STRA8: variants seen among roughly 807,000 people sequenced by gnomAD.
The protein encoded by STRA8 is stimulated by retinoic acid gene 8 protein homolog.
STRA8 carries 18 observed loss-of-function variants against 37.1 expected under a neutral mutation model. The observed-to-expected ratio is 0.48, with a 90% CI of 0.34 to 0.72. STRA8 has a LOEUF of 0.72. Ranked by LOEUF, STRA8 falls within the 30% of genes least tolerant of loss-of-function variation. The pLI, the probability that STRA8 is intolerant of heterozygous loss-of-function variation, is 0.01. For missense variants in STRA8, 357 were observed against 410.4 expected (o/e 0.87, Z 1.13); for synonymous variants, 168 against 162.9 (o/e 1.03, Z -0.24).
Position 135,243,450 on chromosome 7 carries a change from T to C in STRA8, c.353+40T>C, listed in dbSNP as rs1445903049. On this transcript the variant is annotated intron_variant, in intron 4 of 8. Coordinates refer to ENST00000662584, the MANE Select transcript of STRA8 (RefSeq NM_001394401.1). ...ACCCCAGGAAGCTGGGGACCTGCTG[T>C]GTCCTCACAGCCATCAGTACTGTCT... The C allele has an allele frequency of 2.5e-6, 4 of 1,593,474 alleles. No homozygotes were observed. In the African/African-American group the frequency reaches 4.0e-5, roughly 16 times the overall value.
Position 135,245,529 on chromosome 7 carries a change from T to C in STRA8, c.593+2T>C, listed in dbSNP as rs1832538247. The stretch of plus-strand genomic sequence containing the variant: ...GCCTGACCTCATGGAATTTGAACGG[T>C]GTGAACAGTTGGGTGGGGTGGCTCT... On this transcript the variant is annotated splice_donor_variant, in intron 5 of 8. Coordinates refer to ENST00000662584, the MANE Select transcript of STRA8 (RefSeq NM_001394401.1). LOFTEE classifies it high-confidence loss of function. Among the ~76,000 whole-genome samples, 2 of 152,048 alleles carry C rather than the reference T, an allele frequency of 1.3e-5. No individual in the cohort carries two copies. The highest frequency in any genetic ancestry group is 2.9e-5 in the Non-Finnish European group (2 of 68,012).
upstream of STRA8, among the ~76,000 whole-genome samples, chr7:135,232,805 C>T (rs1562966882): frequency 6.6e-6 from 1 of 152,208 alleles, no homozygotes; most frequent in Non-Finnish European, 1.5e-5. Context: ...TGATAGTCCT[C>T]TCAGTCCCTG....
At chr7:135,257,481 A>G (rs1209048297) in intron 8 of STRA8, among the ~76,000 whole-genome samples, 14 of 151,414 alleles carry the variant, frequency 9.2e-5, no homozygotes, top group Admixed American at 9.2e-4. Flanking sequence ...GTGTGTAGTC[A>G]TGGTGTGATC....
At chr7:135,243,223 G>T (rs1562970203) in intron 3 of STRA8, 103 bp from the exon 4 acceptor site, 1 of 1,188,520 alleles carries the variant, frequency 8.4e-7, no homozygotes, top group African/African-American at 1.5e-5. Flanking sequence ...ACCCTGGAGG[G>T]TTCAGGGTCC....
At chr7:135,233,280 C>G (rs1427141637), upstream of STRA8, among the ~76,000 whole-genome samples, 1 of 152,146 alleles carries the variant, frequency 6.6e-6, no homozygotes, top group Non-Finnish European at 1.5e-5. Context: ...TTTTCTCCCC[C>G]CATCCTCTAT....
chr7:135,240,496 A>AG, intron 1 of STRA8, 23 bp from the exon 2 acceptor site: 1 of 1,598,354 alleles, frequency 6.3e-7, no homozygotes, highest in Admixed American at 1.7e-5. Context: ...GGGCAAAAAA[A>AG]AAAGCATACT....
chr7:135,246,349 T>A lies in STRA8; in HGVS notation c.594-68T>A, dbSNP rs933566647. 21 of 1,553,162 alleles carry A rather than the reference T, an allele frequency of 1.4e-5. No homozygotes were observed. In the African/African-American group the frequency reaches 2.2e-4, roughly 16 times the overall value. ...GGCCTGCGTGCTGGGGTCCACACCA[T>A]GAACCGAATCCCGAATCGCTTCGAG... is the stretch of plus-strand genomic sequence containing the variant. On this transcript the variant is annotated intron_variant, in intron 5 of 8. Coordinates refer to ENST00000662584, the MANE Select transcript of STRA8 (RefSeq NM_001394401.1). The surrounding 1 kb of genome is among the most constrained non-coding windows in gnomAD (Gnocchi z 5.4).
chr7:135,248,164 G>T (rs556163588), intron 6 of STRA8, among the ~76,000 whole-genome samples: 3 of 152,186 alleles, frequency 2.0e-5, no homozygotes, highest in Non-Finnish European at 2.9e-5. Context: ...TTTTTAGAAG[G>T]TTCCTCAGCT....
chr7:135,233,662 T>C (rs1197213487), upstream of STRA8, among the ~76,000 whole-genome samples: 1 of 152,102 alleles, frequency 6.6e-6, no homozygotes, highest in African/African-American at 2.4e-5. Flanking sequence ...CTCCTCCCTT[T>C]TCTGTCGCCT....
chr7:135,248,151 C>T (rs1313574400), intron 6 of STRA8, among the ~76,000 whole-genome samples: 4 of 152,206 alleles, frequency 2.6e-5, no homozygotes, highest in African/African-American at 7.2e-5. Flanking sequence ...GGAATGCCTC[C>T]GTTTTTTAGA....
chr7:135,245,388 G>A lies in STRA8; in HGVS notation c.454G>A (p.Asp152Asn). 5.2e-6 allele frequency: 4 copies of A among 769,076 alleles called. No homozygotes were observed. 47.6% of individuals were successfully genotyped at this position (769,076 alleles called of 1,614,324 possible). ...GGAGGAGGAAGATGAGGAAGAGGAA[G>A]ATCAAGAAGAAGAGGAGGAGGAAGA... ...AEEEEDEEEE[D>N]QEEEEEEEEE... Residue 152 changes from aspartate to asparagine, a missense_variant, in exon 5 of 9, where the codon GAT becomes AAT. Coordinates refer to ENST00000662584, the MANE Select transcript of STRA8 (RefSeq NM_001394401.1).
chr7:135,246,147 C>T lies in STRA8; in HGVS notation c.594-270C>T. On this transcript the variant is annotated intron_variant, in intron 5 of 8. Transcript: ENST00000662584. This position sits in a 1 kb window ranked among gnomAD's most constrained non-coding sequence, Gnocchi z 5.4. ...GAGCTGAGGCAGCTACGCCTCTTAT[C>T]TGCTTCTGTCTAACACAGAAGGCTT... The T allele has an allele frequency of 1.9e-6, 1 of 526,232 alleles. No individual in the cohort carries two copies. The highest frequency in any genetic ancestry group is 2.3e-5 in the South Asian group (1 of 43,744). The allele number at this position is 526,232 out of a possible 1,614,324, so 32.6% of individuals were successfully genotyped here.
At chr7:135,240,768 T>C (rs1832452834) in intron 2 of STRA8, 52 bp downstream of exon 2, 1 of 1,597,238 alleles carries the variant, frequency 6.3e-7, no homozygotes, top group African/African-American at 1.3e-5. Flanking sequence ...AAGGAGACGT[T>C]TTCACAGGTG....
At chr7:135,256,013 T>A (rs1337380941) in intron 8 of STRA8, among the ~76,000 whole-genome samples, 1 of 152,224 alleles carries the variant, frequency 6.6e-6, no homozygotes, top group Non-Finnish European at 1.5e-5. Context: ...CTTACAGTGA[T>A]ATGAGCAGTG....
intron 1 of STRA8, among the ~76,000 whole-genome samples, chr7:135,239,080 C>A (rs1218853795): frequency 6.6e-6 from 1 of 152,220 alleles, no homozygotes; most frequent in East Asian, 1.9e-4. Flanking sequence ...GTTTTCTGAG[C>A]TAAAAAGTGT....
At chr7:135,251,627 G>A (rs1020871849) in intron 6 of STRA8, among the ~76,000 whole-genome samples, 169 bp from the exon 7 acceptor site, 4 of 152,026 alleles carry the variant, frequency 2.6e-5, no homozygotes, top group South Asian at 2.1e-4. Context: ...TTACCCCCTA[G>A]GAAGAACAGC....
intron 7 of STRA8, 77 bp from the exon 8 acceptor site, chr7:135,255,036 CT>C: frequency 8.4e-7 from 1 of 1,192,098 alleles, no homozygotes; most frequent in South Asian, 1.2e-5. Flanking sequence ...TAACCCAAAT[CT>C]TTCAGGGGAG....
At chr7:135,252,017 T>TGTGTGTGTGTGC in intron 7 of STRA8, 148 bp downstream of exon 7, 1 of 620,558 alleles carries the variant, frequency 1.6e-6, no homozygotes, top group Non-Finnish European at 2.9e-6. Context: ...AGAGAGAGTG[T>TGTGTGTGTGTGC]GTGTGTGTGT....
At chr7:135,244,070 G>GT (rs1008505232) in intron 4 of STRA8, among the ~76,000 whole-genome samples, 1 of 152,108 alleles carries the variant, frequency 6.6e-6, no homozygotes, top group Non-Finnish European at 1.5e-5. Flanking sequence ...GGTTTGGTTT[G>GT]TTTTTTGAGA....
Sources: allele counts gnomAD v4.1 joint callset (sites outside exome capture counted in the v4.1 genomes callset), GRCh38; gene constraint gnomAD v4.1.1; non-coding constraint Gnocchi (gnomAD v3.1); transcripts MANE v1.5; gene names NCBI Gene and HGNC (gene_info 2026-07-23, HGNC 2026-07-21).